RNGTT: variants seen among roughly 807,000 people sequenced by gnomAD.
RNGTT encodes RNA guanylyltransferase and 5'-phosphatase, also known as mRNA-capping enzyme.
A neutral mutation model predicts 79.3 loss-of-function variants in RNGTT; 33 were observed. The ratio of observed to expected loss-of-function variants is 0.42; its 90% CI spans 0.32 to 0.56. RNGTT has a LOEUF of 0.56. RNGTT is among the 20% of genes least tolerant of loss of function. The pLI, the probability that RNGTT is intolerant of heterozygous loss-of-function variation, is 0.17. For missense variants in RNGTT, 497 were observed against 739.1 expected (o/e 0.67, Z 3.80); for synonymous variants, 222 against 235.9 (o/e 0.94, Z 0.54).
chr6:88,618,735 TATAA>T (rs946353870), intron 14 of RNGTT, among the ~76,000 whole-genome samples: 9 of 152,332 alleles, frequency 5.9e-5, no homozygotes, highest in African/African-American at 1.7e-4. Context: ...TATTTGAATC[TATAA>T]ATAATCTGGG....
At chr6:88,754,343 C>T (rs1482311070) in intron 13 of RNGTT, among the ~76,000 whole-genome samples, 1 of 152,160 alleles carries the variant, frequency 6.6e-6, no homozygotes, top group Non-Finnish European at 1.5e-5. Context: ...AACATTGGCC[C>T]CAGGTCATGT....
chr6:88,781,604 C>T (rs1779066757), intron 12 of RNGTT, among the ~76,000 whole-genome samples: 1 of 152,086 alleles, frequency 6.6e-6, no homozygotes, highest in Non-Finnish European at 1.5e-5. Context: ...TCTAAGACTC[C>T]AAATACACTT....
intron 4 of RNGTT, among the ~76,000 whole-genome samples, chr6:88,918,445 T>A (rs1401915226): frequency 1.3e-5 from 2 of 150,480 alleles, no homozygotes; most frequent in African/African-American, 4.9e-5. Context: ...GAAGAGGGAA[T>A]GCAAAACAGA....
chr6:88,632,550 C>CAG (rs1554199318), intron 14 of RNGTT, among the ~76,000 whole-genome samples: 1 of 140,836 alleles, frequency 7.1e-6, no homozygotes, highest in Admixed American at 7.1e-5. Context: ...CACAGACACA[C>CAG]ACACACACAC....
At chr6:88,679,117 C>A (rs949783391) in intron 13 of RNGTT, among the ~76,000 whole-genome samples, 4 of 152,118 alleles carry the variant, frequency 2.6e-5, no homozygotes, top group Admixed American at 2.6e-4. Context: ...CCACTATGCA[C>A]TGTACAGGAG....
chr6:88,909,335 G>A (rs141733881), intron 4 of RNGTT, among the ~76,000 whole-genome samples: 92 of 152,102 alleles, frequency 6.0e-4, no homozygotes, highest in East Asian at 2.2e-3. Context: ...CGGCTGGGCT[G>A]CAAACCCGGG....
At chr6:88,705,259 G>A (rs560219390) in intron 13 of RNGTT, among the ~76,000 whole-genome samples, 2 of 152,020 alleles carry the variant, frequency 1.3e-5, no homozygotes, top group African/African-American at 4.8e-5. Context: ...ATGGTTGCTC[G>A]GTAGATAAGA....
At chr6:88,727,005 G>C (rs1020683001) in intron 13 of RNGTT, among the ~76,000 whole-genome samples, 2 of 151,686 alleles carry the variant, frequency 1.3e-5, no homozygotes, top group South Asian at 2.1e-4. Flanking sequence ...AAAGGGGTGG[G>C]GGGGGAGAAT....
chr6:88,724,908 T>G (rs1217985770), intron 13 of RNGTT, among the ~76,000 whole-genome samples: 1 of 152,162 alleles, frequency 6.6e-6, no homozygotes, highest in African/African-American at 2.4e-5. Flanking sequence ...CTGTGCCATC[T>G]AACCCTAACC....
intron 2 of RNGTT, among the ~76,000 whole-genome samples, chr6:88,935,074 A>G (rs1397605965): frequency 1.3e-5 from 2 of 152,162 alleles, no homozygotes; most frequent in East Asian, 1.9e-4. Context: ...TCTTACATTT[A>G]AAGTCTTTAA....
At chr6:88,754,213 A>G (rs1266616063) in intron 13 of RNGTT, among the ~76,000 whole-genome samples, 1 of 152,284 alleles carries the variant, frequency 6.6e-6, no homozygotes, top group Non-Finnish European at 1.5e-5. Context: ...GAGGTATGAA[A>G]TTCGAGGGCT....
intron 9 of RNGTT, among the ~76,000 whole-genome samples, chr6:88,850,754 T>C (rs1781644752): frequency 6.6e-6 from 1 of 152,032 alleles, no homozygotes; most frequent in African/African-American, 2.4e-5. Context: ...TCCTGAAAGA[T>C]GCAGAGTATA....
At position 88,963,565 on chromosome 6, in the gene RNGTT, G is replaced by C. The variant is rs1238872419; in HGVS notation, c.-156C>G. The stretch of plus-strand genomic sequence containing the variant: ...TCCGATCCGGGTAACGTCAGGGGCG[G>C]CGCGCCACTTTCATTCAGGATCAAC... On this transcript the variant is annotated 5_prime_UTR_variant, in exon 1 of 16. Coordinates refer to ENST00000369485, the MANE Select transcript of RNGTT (RefSeq NM_003800.5). 1 of 635,404 alleles carries C rather than the reference G, an allele frequency of 1.6e-6. No individual in the cohort carries two copies. Among genetic ancestry groups the C allele is most frequent in the African/African-American group, 1.9e-5 (1 of 51,784 alleles). The allele number at this position is 635,404 out of a possible 1,614,324, so 39.4% of individuals were successfully genotyped here.
chr6:88,941,000 A>T (rs1582156761), intron 2 of RNGTT, 71 bp downstream of exon 2: 3 of 825,412 alleles, frequency 3.6e-6, no homozygotes, highest in East Asian at 2.6e-5. Flanking sequence ...AGATTTTTTT[A>T]AAAGCCACCT....
intron 8 of RNGTT, among the ~76,000 whole-genome samples, chr6:88,876,674 T>G: frequency 6.6e-6 from 1 of 152,250 alleles, no homozygotes; most frequent in East Asian, 1.9e-4. Context: ...CCTGTATTCC[T>G]TGTTTCTCAT....
At chr6:88,807,548 A>C (rs560998107) in intron 11 of RNGTT, among the ~76,000 whole-genome samples, 6 of 152,288 alleles carry the variant, frequency 3.9e-5, no homozygotes, top group African/African-American at 1.4e-4. Context: ...GGGAAAAAAG[A>C]AACAGTGCTG....
chr6:88,958,255 A>G (rs1259958752), intron 1 of RNGTT, among the ~76,000 whole-genome samples: 1 of 152,238 alleles, frequency 6.6e-6, no homozygotes, highest in African/African-American at 2.4e-5. Context: ...TAAGATCTGA[A>G]ACCATAAAAA....
intron 14 of RNGTT, among the ~76,000 whole-genome samples, chr6:88,627,314 G>T (rs763943845): frequency 1.8e-4 from 27 of 152,026 alleles, no homozygotes; most frequent in Non-Finnish European, 3.5e-4. Flanking sequence ...AATAATATTT[G>T]AACTAGGCAA....
At position 88,612,792 on chromosome 6, in the gene RNGTT, C is replaced by T. The variant is rs369754031; in HGVS notation, c.1721G>A (p.Arg574Gln). The T allele has an allele frequency of 1.8e-5, 29 of 1,613,416 alleles. No homozygotes were observed. Among genetic ancestry groups the T allele is most frequent in the African/African-American group, 1.5e-4 (11 of 74,852 alleles). ...RCTAASQGQK[R>Q]KHHLDPDTEL... ...CGTGTCAGGGTCCAGATGATGTTTTCGCTTCTGTCCTTGAGAAGCTGCAGT... is the reference window on the plus strand; with the variant it reads ...CGTGTCAGGGTCCAGATGATGTTTTTGCTTCTGTCCTTGAGAAGCTGCAGT... Residue 574 changes from arginine (R) to glutamine (Q), a missense_variant, in exon 16 of 16, where the codon CGA (arginine) becomes CAA (glutamine). Coordinates refer to ENST00000369485, the MANE Select transcript of RNGTT (RefSeq NM_003800.5).
Sources: gnomAD v4.1 joint callset for allele counts (sites outside exome capture counted in the v4.1 genomes callset) on GRCh38, gnomAD v4.1.1 for gene constraint, MANE v1.5 for transcripts, NCBI Gene and HGNC (gene_info 2026-07-23, HGNC 2026-07-21) for gene names.